The following CEBPB variants were observed in gnomAD, a reference collection of about 807,000 sequenced individuals.
CEBPB encodes CCAAT/enhancer-binding protein beta.
For missense variants in CEBPB, 498 were observed against 533.1 expected, an observed-to-expected ratio of 0.93 and a Z score of 0.65; for synonymous variants, 295 against 267.1, an observed-to-expected ratio of 1.10 and a Z score of -1.02.
At position 50,190,977 on chromosome 20, in the gene CEBPB, A is replaced by G; in HGVS notation, c.-57A>G. On this transcript the variant is annotated 5_prime_UTR_variant, in exon 1 of 1. Coordinates refer to ENST00000303004, the MANE Select transcript of CEBPB (RefSeq NM_005194.4). ...CAGCTCAGAGCAGGGAGGCCGCGCC[A>G]CCTGCGGGCCGGCCGGAGCGGGCAG... The G allele has an allele frequency of 1.4e-6, 2 of 1,404,328 alleles. No homozygotes were observed. The highest frequency in any genetic ancestry group is 1.8e-6 in the Non-Finnish European group (2 of 1,083,924). 87.0% of individuals were successfully genotyped at this position (1,404,328 alleles called of 1,614,324 possible). A position where few individuals can be genotyped will look rare whatever the true frequency, so the allele number is the denominator to read the frequency against.
Position 50,192,645 on chromosome 20 carries a change from TA to T in CEBPB, c.*577del, listed in dbSNP as rs1478633784. 3.0e-5 allele frequency: 5 copies of T among 167,182 alleles called. No homozygotes were observed. The highest frequency in any genetic ancestry group is 1.2e-4 in the African/African-American group (5 of 41,572). 10.4% of individuals were successfully genotyped at this position (167,182 alleles called of 1,614,324 possible). A position where few individuals can be genotyped will look rare whatever the true frequency, so the allele number is the denominator to read the frequency against. The stretch of plus-strand genomic sequence containing the variant: ...TTTCAAGCATTAAGAACACTTTTAA[TA>T]AACTTTTTTTTGAGAATGGTTACAA... On this transcript the variant is annotated 3_prime_UTR_variant, in exon 1 of 1. Transcript: ENST00000303004.
Position 50,191,422 on chromosome 20 carries a change from ACTG to A in CEBPB, c.391_393del (p.Cys131del), listed in dbSNP as rs1568673628. 6.6e-7 allele frequency: 1 copy of A among 1,524,818 alleles called. No homozygotes were observed. Among genetic ancestry groups the A allele is most frequent in the South Asian group, 1.2e-5 (1 of 83,898 alleles). 94.5% of individuals were successfully genotyped at this position (1,524,818 alleles called of 1,614,324 possible). On this transcript the variant is annotated inframe_deletion, in exon 1 of 1. Transcript: ENST00000303004. The stretch of plus-strand genomic sequence containing the variant: ...TTCTCCGACGACTACGGGGGCAAGA[ACTG>A]CAAGAAGCCGGCCGAGTACGGCTAC...
In CEBPB at chr20:50,191,228, C is replaced by T. The variant is rs935903607; in HGVS notation, c.195C>T (p.Ser65=). The T allele has an allele frequency of 1.6e-5, 21 of 1,291,716 alleles. No homozygotes were observed. The Admixed American group carries it at 7.7e-4, about 47-fold the overall frequency. 80.0% of individuals were successfully genotyped at this position (1,291,716 alleles called of 1,614,324 possible). ...GPRPPAGELG[S]IGDHERAIDF... Reference sequence around the variant, plus strand: ...GCCCCCCCGCCGGCGAGCTGGGCAGCATCGGCGACCACGAGCGCGCCATCG... The same window carrying T: ...GCCCCCCCGCCGGCGAGCTGGGCAGTATCGGCGACCACGAGCGCGCCATCG... The change falls in exon 1 of 1, where the codon AGC becomes AGT. Residue 65 remains serine, a synonymous_variant. Transcript: ENST00000303004.
In CEBPB at chr20:50,191,705, C is replaced by T. The variant is rs1261113840; in HGVS notation, c.672C>T (p.Leu224=). The T allele has an allele frequency of 1.3e-6, 2 of 1,498,646 alleles. No homozygotes were observed. Among genetic ancestry groups the T allele is most frequent in the African/African-American group, 2.9e-5 (2 of 68,604 alleles). 92.8% of individuals were successfully genotyped at this position (1,498,646 alleles called of 1,614,324 possible). A position where few individuals can be genotyped will look rare whatever the true frequency, so the allele number is the denominator to read the frequency against. The change falls in exon 1 of 1, where the codon CTC becomes CTT. Residue 224 remains leucine (L), a synonymous_variant. Transcript: ENST00000303004. Reference sequence around the variant, plus strand: ...TGCCGAGCGGCAGCAGCGGGAGCCTCTCCACGTCCTCCTCGTCCAGCCCGC... The same window carrying T: ...TGCCGAGCGGCAGCAGCGGGAGCCTTTCCACGTCCTCCTCGTCCAGCCCGC... ...QAVPSGSSGS[L]STSSSSSPPG...
Position 50,191,308 on chromosome 20 carries a change from C to A in CEBPB, c.275C>A (p.Thr92Lys). The A allele has an allele frequency of 7.4e-7, 1 of 1,354,974 alleles. No homozygotes were observed. Among genetic ancestry groups the A allele is most frequent in the East Asian group, 3.4e-5 (1 of 29,280 alleles). The allele number at this position is 1,354,974 out of a possible 1,614,324, so 83.9% of individuals were successfully genotyped here. The change falls in exon 1 of 1, where the codon ACG becomes AAG. Residue 92 changes from threonine (T) to lysine (K), a missense_variant. Physicochemically the swap from Thr to Lys is moderately conservative, Grantham distance 78. Transcript: ENST00000303004. ...GCGCCGCAGGCCCCGGCGCCCGCCA[C>A]GGCCACGGACACCTTCGAGGCGGCT... is the stretch of plus-strand genomic sequence containing the variant. Reference protein sequence around the residue: ...LGAPQAPAPATATDTFEAAPP... With the variant: ...LGAPQAPAPAKATDTFEAAPP...
At position 50,191,770 on chromosome 20, in the gene CEBPB, C is replaced by T. The variant is rs1263727087; in HGVS notation, c.737C>T (p.Thr246Ile). 6.5e-7 allele frequency: 1 copy of T among 1,542,416 alleles called. No homozygotes were observed. Among genetic ancestry groups the T allele is most frequent in the African/African-American group, 1.4e-5 (1 of 71,874 alleles). The change falls in exon 1 of 1, where the codon ACC (threonine) becomes ATC (isoleucine). Residue 246 changes from threonine to isoleucine, a missense_variant. Thr to Ile is a moderately conservative substitution (Grantham distance 89, BLOSUM62 -1). Coordinates refer to ENST00000303004, the MANE Select transcript of CEBPB (RefSeq NM_005194.4). ...PSPADAKAPP[T>I]ACYAGAAPAP... is the part of the protein sequence containing the mutation. Reference sequence around the variant, plus strand: ...CCCGCTGACGCCAAGGCGCCCCCGACCGCCTGCTACGCGGGGGCCGCGCCG... The same window carrying T: ...CCCGCTGACGCCAAGGCGCCCCCGATCGCCTGCTACGCGGGGGCCGCGCCG...
In CEBPB at chr20:50,191,464, G is replaced by T; in HGVS notation, c.431G>T (p.Arg144Leu). ...GAGTACGGCTACGTGAGCCTGGGGC[G>T]CCTGGGGGCCGCCAAGGGCGCGCTG... ...PAEYGYVSLG[R>L]LGAAKGALHP... The change falls in exon 1 of 1, where the codon CGC becomes CTC. Residue 144 changes from arginine (R) to leucine (L), a missense_variant. Coordinates refer to ENST00000303004, the MANE Select transcript of CEBPB (RefSeq NM_005194.4). 1.3e-6 allele frequency: 2 copies of T among 1,497,294 alleles called. No homozygotes were observed. Among genetic ancestry groups the T allele is most frequent in the African/African-American group, 1.5e-5 (1 of 68,492 alleles). 92.8% of individuals were successfully genotyped at this position (1,497,294 alleles called of 1,614,324 possible).
In CEBPB at chr20:50,191,499, T is replaced by G; in HGVS notation, c.466T>G (p.Cys156Gly). 1 of 1,439,680 alleles carries G rather than the reference T, an allele frequency of 6.9e-7. No homozygotes were observed. The highest frequency in any genetic ancestry group is 9.2e-7 in the Non-Finnish European group (1 of 1,092,802). 89.2% of individuals were successfully genotyped at this position (1,439,680 alleles called of 1,614,324 possible). A position where few individuals can be genotyped will look rare whatever the true frequency, so the allele number is the denominator to read the frequency against. ...CGCCAAGGGCGCGCTGCACCCCGGC[T>G]GCTTCGCGCCCCTGCACCCACCGCC... ...GAAKGALHPG[C>G]FAPLHPPPPP... Residue 156 changes from cysteine to glycine, a missense_variant, in exon 1 of 1, where the codon TGC (cysteine) becomes GGC (glycine). Physicochemically the swap from Cys to Gly is radical, Grantham distance 159. Transcript: ENST00000303004.
At position 50,191,108 on chromosome 20, in the gene CEBPB, A is replaced by C. The variant is rs1157927460; in HGVS notation, c.75A>C (p.Glu25Asp). 1 of 1,549,730 alleles carries C rather than the reference A, an allele frequency of 6.5e-7. No homozygotes were observed. The highest frequency in any genetic ancestry group is 1.9e-5 in the Admixed American group (1 of 53,342). ...PPPPPAFKSM[E>D]VANFYYEADC... ...CGCCGCCTGCCTTTAAATCCATGGA[A>C]GTGGCCAACTTCTACTACGAGGCGG... is the stretch of plus-strand genomic sequence containing the variant. The change falls in exon 1 of 1, where the codon GAA (glutamate) becomes GAC (aspartate). Residue 25 changes from glutamate to aspartate, a missense_variant. Transcript: ENST00000303004.
chr20:50,190,928 G>C lies in CEBPB; in HGVS notation c.-106G>C. On this transcript the variant is annotated 5_prime_UTR_variant, in exon 1 of 1. Transcript: ENST00000303004. ...AGCGGCCACCCCGGCAGCGGCGGCA[G>C]CAGCAGCAGCGACGCAGCGGCGACA... The C allele has an allele frequency of 7.6e-7, 1 of 1,311,164 alleles. No individual in the cohort carries two copies. The allele number at this position is 1,311,164 out of a possible 1,614,324, so 81.2% of individuals were successfully genotyped here. A position where few individuals can be genotyped will look rare whatever the true frequency, so the allele number is the denominator to read the frequency against.
In CEBPB at chr20:50,191,938, A is replaced by G. The variant is rs1405457475; in HGVS notation, c.905A>G (p.Lys302Arg). Reference protein sequence around the residue: ...AKMRNLETQHKVLELTAENER... With the variant: ...AKMRNLETQHRVLELTAENER... ...ATGCGCAACCTGGAGACGCAGCACA[A>G]GGTCCTGGAGCTCACGGCCGAGAAC... is the stretch of plus-strand genomic sequence containing the variant. The change falls in exon 1 of 1, where the codon AAG becomes AGG. Residue 302 changes from lysine to arginine, a missense_variant. Transcript: ENST00000303004. 6.2e-7 allele frequency: 1 copy of G among 1,612,804 alleles called. No homozygotes were observed. Among genetic ancestry groups the G allele is most frequent in the Non-Finnish European group, 8.5e-7 (1 of 1,179,650 alleles).
chr20:50,191,471 G>C lies in CEBPB; in HGVS notation c.438G>C (p.Gly146=). 2.0e-6 allele frequency: 3 copies of C among 1,485,176 alleles called. No individual in the cohort carries two copies. Among genetic ancestry groups the C allele is most frequent in the Non-Finnish European group, 2.7e-6 (3 of 1,115,060 alleles). The allele number at this position is 1,485,176 out of a possible 1,614,324, so 92.0% of individuals were successfully genotyped here. A position where few individuals can be genotyped will look rare whatever the true frequency, so the allele number is the denominator to read the frequency against. The part of the protein sequence containing the change: ...EYGYVSLGRL[G]AAKGALHPGC... ...GCTACGTGAGCCTGGGGCGCCTGGG[G>C]GCCGCCAAGGGCGCGCTGCACCCCG... The change falls in exon 1 of 1, where the codon GGG becomes GGC. Residue 146 remains glycine, a synonymous_variant. Transcript: ENST00000303004.
In CEBPB at chr20:50,191,621, C is replaced by T; in HGVS notation, c.588C>T (p.Gly196=). 7.4e-7 allele frequency: 1 copy of T among 1,356,056 alleles called. No homozygotes were observed. Among genetic ancestry groups the T allele is most frequent in the East Asian group, 3.1e-5 (1 of 31,988 alleles). The allele number at this position is 1,356,056 out of a possible 1,614,324, so 84.0% of individuals were successfully genotyped here. ...RKEEAGAPGG[G]AGMAAGFPYA... ...AGGAGGCCGGGGCGCCGGGCGGCGG[C>T]GCAGGCATGGCGGCGGGCTTCCCGT... Residue 196 remains glycine (G), a synonymous_variant, in exon 1 of 1, where the codon GGC becomes GGT. Transcript: ENST00000303004.
Position 50,191,053 on chromosome 20 carries a change from G to A in CEBPB, c.20G>A (p.Trp7Ter). The change falls in exon 1 of 1, where the codon TGG (tryptophan) becomes TAG (stop). Residue 7 changes from tryptophan (W) to a stop codon, truncating the protein, a stop_gained. Coordinates refer to ENST00000303004, the MANE Select transcript of CEBPB (RefSeq NM_005194.4). LOFTEE classifies it low-confidence loss of function (END_TRUNC). MQRLVAWDPACLPLPPP... is the reference protein window; with the variant it reads MQRLVA ...GCGTTCATGCAACGCCTGGTGGCCT[G>A]GGACCCAGCATGTCTCCCCCTGCCG... The A allele has an allele frequency of 6.5e-7, 1 of 1,549,774 alleles. No individual in the cohort carries two copies. The highest frequency in any genetic ancestry group is 8.6e-7 in the Non-Finnish European group (1 of 1,156,290).
At position 50,191,633 on chromosome 20, in the gene CEBPB, G is replaced by T; in HGVS notation, c.600G>T (p.Ala200=). 7.3e-7 allele frequency: 1 copy of T among 1,369,984 alleles called. No individual in the cohort carries two copies. The highest frequency in any genetic ancestry group is 9.3e-7 in the Non-Finnish European group (1 of 1,071,230). The allele number at this position is 1,369,984 out of a possible 1,614,324, so 84.9% of individuals were successfully genotyped here. ...CGCCGGGCGGCGGCGCAGGCATGGC[G>T]GCGGGCTTCCCGTACGCGCTGCGCG... ...AGAPGGGAGM[A]AGFPYALRAY... Residue 200 remains alanine, a synonymous_variant, in exon 1 of 1, where the codon GCG becomes GCT. Coordinates refer to ENST00000303004, the MANE Select transcript of CEBPB (RefSeq NM_005194.4).
rs1021117795 is a variant in CEBPB at position 50,192,121 on chromosome 20, AGCGCCC to A, written c.*63_*68del. On this transcript the variant is annotated 3_prime_UTR_variant, in exon 1 of 1. Coordinates refer to ENST00000303004, the MANE Select transcript of CEBPB (RefSeq NM_005194.4). ...GCCGGCCGGGGCTGAGACTCCGGGG[AGCGCCC>A]GCGCCCGCGCCCTCGCCCCCGCCCC... 2.2e-4 allele frequency: 291 copies of A among 1,350,940 alleles called. No homozygotes were observed. Among genetic ancestry groups the A allele is most frequent in the Non-Finnish European group, 2.5e-4 (265 of 1,049,002 alleles). 83.7% of individuals were successfully genotyped at this position (1,350,940 alleles called of 1,614,324 possible).
Position 50,190,973 on chromosome 20 carries a change from C to A in CEBPB, c.-61C>A. The A allele has an allele frequency of 7.1e-7, 1 of 1,400,422 alleles. No homozygotes were observed. Among genetic ancestry groups the A allele is most frequent in the African/African-American group, 1.5e-5 (1 of 66,494 alleles). 86.7% of individuals were successfully genotyped at this position (1,400,422 alleles called of 1,614,324 possible). A position where few individuals can be genotyped will look rare whatever the true frequency, so the allele number is the denominator to read the frequency against. On this transcript the variant is annotated 5_prime_UTR_variant, in exon 1 of 1. Transcript: ENST00000303004. ...GCGACAGCTCAGAGCAGGGAGGCCG[C>A]GCCACCTGCGGGCCGGCCGGAGCGG...
In CEBPB at chr20:50,191,299, C is replaced by T; in HGVS notation, c.266C>T (p.Ala89Val). The T allele has an allele frequency of 7.5e-7, 1 of 1,326,546 alleles. No individual in the cohort carries two copies. Among genetic ancestry groups the T allele is most frequent in the Non-Finnish European group, 9.7e-7 (1 of 1,034,096 alleles). The allele number at this position is 1,326,546 out of a possible 1,614,324, so 82.2% of individuals were successfully genotyped here. A position where few individuals can be genotyped will look rare whatever the true frequency, so the allele number is the denominator to read the frequency against. Reference sequence around the variant, plus strand: ...CCGCTGGGCGCGCCGCAGGCCCCGGCGCCCGCCACGGCCACGGACACCTTC... The same window carrying T: ...CCGCTGGGCGCGCCGCAGGCCCCGGTGCCCGCCACGGCCACGGACACCTTC... Reference protein sequence around the residue: ...LEPLGAPQAPAPATATDTFEA... With the variant: ...LEPLGAPQAPVPATATDTFEA... The change falls in exon 1 of 1, where the codon GCG becomes GTG. Residue 89 changes from alanine (A) to valine (V), a missense_variant. By Grantham distance (64) the Ala-to-Val change is moderately conservative. Coordinates refer to ENST00000303004, the MANE Select transcript of CEBPB (RefSeq NM_005194.4).
Position 50,192,152 on chromosome 20 carries a change from CCGG to C in CEBPB, c.*87_*89del. 8.5e-7 allele frequency: 1 copy of C among 1,176,692 alleles called. No individual in the cohort carries two copies. The highest frequency in any genetic ancestry group is 1.1e-6 in the Non-Finnish European group (1 of 937,314). The allele number at this position is 1,176,692 out of a possible 1,614,324, so 72.9% of individuals were successfully genotyped here. On this transcript the variant is annotated 3_prime_UTR_variant, in exon 1 of 1. Transcript: ENST00000303004. ...CGCGCCCGCGCCCTCGCCCCCGCCC[CCGG>C]CGGCGCCGGCAAAACTTTGGCACTG...
Sources: gnomAD v4.1 joint callset for allele counts on GRCh38, gnomAD v4.1.1 for gene constraint, MANE v1.5 for transcripts, NCBI Gene and HGNC (gene_info 2026-07-23, HGNC 2026-07-21) for gene names.